Variants in ZNF469 observed in about 807,000 individuals in gnomAD.
ZNF469 encodes the protein zinc finger protein 469.
Under a neutral mutation model 1.0 loss-of-function variants are expected in ZNF469, and 1 was observed. The observed-to-expected ratio is 1.00, with a 90% CI of 0.35 to 4.73. The LOEUF is 4.73. ZNF469 is among the 30% of genes most tolerant of loss of function. The pLI is 0.16. For missense variants in ZNF469, 6,100 were observed against 5,356.3 expected (o/e 1.14, Z -4.33); for synonymous variants, 2,703 against 2,363.4 (o/e 1.14, Z -4.17).
the ZNF469 span, among the ~76,000 whole-genome samples, chr16:88,348,543 C>T: frequency 6.6e-6 from 1 of 152,214 alleles, no homozygotes; most frequent in Non-Finnish European, 1.5e-5. Flanking sequence ...ACTGGGATGA[C>T]CTGCTGATTT....
In ZNF469 at chr16:88,397,656, A is replaced by AGATAGATGATT. The variant is rs148180267; in HGVS notation, c.-192+14409_-192+14410insGATTGATAGAT. Among the ~76,000 whole-genome samples, 75 of 32,454 alleles carry AGATAGATGATT rather than the reference A, an allele frequency of 2.3e-3. 1 individual carries two copies. The highest frequency in any genetic ancestry group is 0.013 in the African/African-American group (70 of 5,412). The allele number at this position is 32,454 out of a possible 152,430, so 21.3% of individuals were successfully genotyped here. ...GGATGGATGGATGGATATAAATAAG[A>AGATAGATGATT]GATAGATAGATAGATAGATAGATAG... On this transcript the variant is annotated intron_variant, in intron 1 of 2. Coordinates refer to ENST00000565624, the MANE Select transcript of ZNF469 (RefSeq NM_001367624.2).
chr16:88,281,993 C>T, the ZNF469 span, among the ~76,000 whole-genome samples: 1 of 152,202 alleles, frequency 6.6e-6, no homozygotes, highest in African/African-American at 2.4e-5. Flanking sequence ...GATGCTGGTG[C>T]ATGGGTTAGT....
At chr16:88,142,794 G>A in the ZNF469 span, among the ~76,000 whole-genome samples, 3 of 152,372 alleles carry the variant, frequency 2.0e-5, no homozygotes, top group South Asian at 2.1e-4. Context: ...GGTCCCTGAT[G>A]TGGGTCACAC....
chr16:88,385,474 A>T (rs979340855), intron 1 of ZNF469, among the ~76,000 whole-genome samples: 2 of 148,702 alleles, frequency 1.3e-5, no homozygotes, highest in Non-Finnish European at 3.0e-5. Flanking sequence ...CATCTCTACT[A>T]AAAAAAAAAT....
chr16:88,340,807 G>A, the ZNF469 span, among the ~76,000 whole-genome samples: 33,049 of 151,006 alleles, frequency 0.22, 4,599 homozygotes, highest in African/African-American at 0.39. Flanking sequence ...TGATGCACAG[G>A]GAGGAGTTTA....
chr16:88,344,767 G>A, the ZNF469 span, among the ~76,000 whole-genome samples: 1 of 152,240 alleles, frequency 6.6e-6, no homozygotes, highest in South Asian at 2.1e-4. Flanking sequence ...GTTCCTGGGA[G>A]GGGCCGCTAT....
chr16:88,368,998 G>A, the ZNF469 span, among the ~76,000 whole-genome samples: 5 of 151,950 alleles, frequency 3.3e-5, no homozygotes, highest in East Asian at 1.9e-4. Flanking sequence ...AAAATTGCTC[G>A]AACCCAGGAG....
chr16:88,275,753 T>C, the ZNF469 span, among the ~76,000 whole-genome samples: 4 of 152,110 alleles, frequency 2.6e-5, no homozygotes, highest in Non-Finnish European at 4.4e-5. Flanking sequence ...CCCAGGACCC[T>C]GGTTAGGGAA....
Position 88,434,298 on chromosome 16 carries a change from C to T in ZNF469, c.6828C>T (p.Ala2276=), listed in dbSNP as rs1212226093. The change falls in exon 3 of 3, where the codon GCC becomes GCT. Residue 2276 remains alanine (A), a synonymous_variant. Coordinates refer to ENST00000565624, the MANE Select transcript of ZNF469 (RefSeq NM_001367624.2). ...GRATSPPLAG[A]VSPSVAVRAT... is the part of the protein sequence containing the mutation. ...CCACCTCTCCTCCTCTGGCAGGGGC[C>T]GTCTCCCCCAGCGTGGCCGTCAGGG... is the stretch of plus-strand genomic sequence containing the variant. The T allele has an allele frequency of 1.9e-6, 3 of 1,550,238 alleles. No individual in the cohort carries two copies. Among genetic ancestry groups the T allele is most frequent in the East Asian group, 2.4e-5 (1 of 40,934 alleles).
rs1258483891 is a variant in ZNF469 at position 88,439,140 on chromosome 16, A to G, written c.11670A>G (p.Arg3890=). 5 of 1,550,752 alleles carry G rather than the reference A, an allele frequency of 3.2e-6. No homozygotes were observed. The highest frequency in any genetic ancestry group is 4.4e-6 in the Non-Finnish European group (5 of 1,146,986). Residue 3890 remains arginine, a synonymous_variant, in exon 3 of 3, where the codon AGA becomes AGG. Transcript: ENST00000565624. Reference sequence around the variant, plus strand: ...CGGGCCACACACAGAGGAAGGACAGACTGGGCAAGGCCTTCCCCCAGGGGA... The same window carrying G: ...CGGGCCACACACAGAGGAAGGACAGGCTGGGCAAGGCCTTCCCCCAGGGGA... The part of the protein sequence containing the change: ...AEPGHTQRKD[R]LGKAFPQGRP...
At chr16:88,378,405 T>C (rs1170004695), upstream of ZNF469, among the ~76,000 whole-genome samples, 1 of 152,198 alleles carries the variant, frequency 6.6e-6, no homozygotes, top group Non-Finnish European at 1.5e-5. Flanking sequence ...CGCACGTTCT[T>C]GGAGAGGCCC....
chr16:88,135,766 T>A, the ZNF469 span, among the ~76,000 whole-genome samples: 3 of 140,290 alleles, frequency 2.1e-5, no homozygotes, highest in Non-Finnish European at 3.1e-5. Flanking sequence ...TTTTTTTTTT[T>A]TTTTTTTTTT....
the ZNF469 span, among the ~76,000 whole-genome samples, chr16:88,169,530 C>T: frequency 6.6e-6 from 1 of 152,188 alleles, no homozygotes; most frequent in Non-Finnish European, 1.5e-5. This position sits in a 1 kb window ranked among gnomAD's most constrained non-coding sequence, Gnocchi z 6.1. Flanking sequence ...ATCCAGGTTG[C>T]AGCCCATCTC....
chr16:88,378,989 G>A (rs1204251633), upstream of ZNF469, among the ~76,000 whole-genome samples: 2 of 152,206 alleles, frequency 1.3e-5, no homozygotes, highest in Non-Finnish European at 2.9e-5. Context: ...CAGGATGGAC[G>A]GGTGTCCACA....
chr16:88,290,193 G>GCA, the ZNF469 span, among the ~76,000 whole-genome samples: 1 of 152,248 alleles, frequency 6.6e-6, no homozygotes, highest in African/African-American at 2.4e-5. Flanking sequence ...TATGTACGCT[G>GCA]CACCACTGTC....
the ZNF469 span, among the ~76,000 whole-genome samples, chr16:88,262,179 T>C: frequency 6.6e-6 from 1 of 152,142 alleles, no homozygotes; most frequent in East Asian, 1.9e-4. This position sits in a 1 kb window ranked among gnomAD's most constrained non-coding sequence, Gnocchi z 4.3. Context: ...TTCTTGGGAT[T>C]GGGGGAATCT....
At chr16:88,236,107 A>AG in the ZNF469 span, among the ~76,000 whole-genome samples, 10 of 152,204 alleles carry the variant, frequency 6.6e-5, no homozygotes, top group Admixed American at 5.2e-4. Flanking sequence ...GAAATCTCAT[A>AG]GGGGGCTGCC....
At chr16:88,333,109 C>T in the ZNF469 span, among the ~76,000 whole-genome samples, 1 of 152,332 alleles carries the variant, frequency 6.6e-6, no homozygotes, top group South Asian at 2.1e-4. Context: ...ATCATGTGCC[C>T]ACTGCCCATG....
chr16:88,268,193 T>C, the ZNF469 span, among the ~76,000 whole-genome samples: 266 of 152,366 alleles, frequency 1.7e-3, no homozygotes, highest in African/African-American at 6.0e-3. Context: ...AATTTTCTAT[T>C]TCTAGGACAG....
Sources: allele counts gnomAD v4.1 joint callset (sites outside exome capture counted in the v4.1 genomes callset), GRCh38; gene constraint gnomAD v4.1.1; non-coding constraint Gnocchi (gnomAD v3.1); transcripts MANE v1.5; gene names NCBI Gene and HGNC (gene_info 2026-07-23, HGNC 2026-07-21).